Variants in ENTPD5 observed in about 807,000 individuals in gnomAD.
ENTPD5 encodes nucleoside diphosphate phosphatase ENTPD5.
Under a neutral mutation model 60.2 loss-of-function variants are expected in ENTPD5, and 49 were observed. That is an observed-to-expected ratio of 0.81 (90% CI 0.65 to 1.03). The LOEUF (loss-of-function observed/expected upper bound fraction) is 1.03. ENTPD5 is among the 50% of genes least tolerant of loss of function. ENTPD5 has a pLI of 0.00. For missense variants in ENTPD5, 480 were observed against 507.6 expected (o/e 0.95, Z 0.52); for synonymous variants, 187 against 185.4 (o/e 1.01, Z -0.07).
At position 73,973,073 on chromosome 14, in the gene ENTPD5, A is replaced by G. The variant is rs2057298030; in HGVS notation, c.887-49T>C. 1.9e-6 allele frequency: 3 copies of G among 1,605,146 alleles called. No homozygotes were observed. In the East Asian group the frequency reaches 6.7e-5, roughly 36 times the overall value. On this transcript the variant is annotated intron_variant, in intron 12 of 15. Transcript: ENST00000334696. ...GTAAGGTGAGAACGACGCTGGGGGA[A>G]GGGGACACTCTCTGAGGCAGGCTGC...
At chr14:73,958,693 T>G, downstream of ENTPD5, 1 of 1,353,286 alleles carries the variant, frequency 7.4e-7, no homozygotes, top group Non-Finnish European at 9.5e-7. Context: ...ATACTGAAAC[T>G]TTCCTTATTG....
chr14:73,980,143 C>T (rs1238371819), intron 6 of ENTPD5, among the ~76,000 whole-genome samples: 4 of 151,706 alleles, frequency 2.6e-5, no homozygotes, highest in Non-Finnish European at 5.9e-5. Flanking sequence ...GACAGGGTTT[C>T]ACCATGTTGG....
chr14:73,975,901 C>G, intron 10 of ENTPD5, 35 bp downstream of exon 10: 6 of 1,483,964 alleles, frequency 4.0e-6, no homozygotes, highest in Non-Finnish European at 5.6e-6. Flanking sequence ...AATCATACAA[C>G]ATGAAATATT....
downstream of ENTPD5, chr14:73,959,611 A>G (rs57268226): frequency 3.3e-3 from 5,350 of 1,599,012 alleles, 130 homozygotes; most frequent in African/African-American, 0.054. Context: ...GATCCTTGCC[A>G]GGCTGGAGCG....
At chr14:73,959,916 C>T, downstream of ENTPD5, 1 of 1,175,406 alleles carries the variant, frequency 8.5e-7, no homozygotes, top group South Asian at 1.9e-5. Flanking sequence ...AGTCAGCTGT[C>T]CCTTTCTACT....
At chr14:74,015,250 G>A (rs61522544) in intron 2 of ENTPD5, among the ~76,000 whole-genome samples, 13,932 of 151,920 alleles carry the variant, frequency 0.092, 797 homozygotes, top group South Asian at 0.26. Context: ...ATTTATGAAG[G>A]GAAACATGGC....
chr14:73,964,055 G>T lies in ENTPD5; in HGVS notation c.*2873C>A. On this transcript the variant is annotated 3_prime_UTR_variant, in exon 16 of 16. Transcript: ENST00000334696. ...GCTGTGAAAAGCTGTGTGACTCCTG[G>T]CGGAGACTGCAGGGACAAGGTCATC... 6.6e-6 allele frequency: 1 copy of T among 152,306 alleles called. No individual in the cohort carries two copies. Among genetic ancestry groups the T allele is most frequent in the Non-Finnish European group, 1.5e-5 (1 of 68,042 alleles). The allele number at this position is 152,306 out of a possible 1,614,324, so 9.4% of individuals were successfully genotyped here. A position where few individuals can be genotyped will look rare whatever the true frequency, so the allele number is the denominator to read the frequency against.
chr14:74,002,680 A>G (rs1340526139), intron 3 of ENTPD5, among the ~76,000 whole-genome samples: 1 of 152,184 alleles, frequency 6.6e-6, no homozygotes, highest in East Asian at 1.9e-4. Context: ...ATCATCTTTC[A>G]TGTGATTTGC....
chr14:73,986,872 C>G lies in ENTPD5; in HGVS notation c.239G>C (p.Gly80Ala). ...TGGCTTCACAGAATCAAAAACTTCC[C>G]CTTCTAGAATTGGAAGCTGTCCTAT... is the stretch of plus-strand genomic sequence containing the variant. Reference protein sequence around the residue: ...KMPGQLPILEGEVFDSVKPGL... With the variant: ...KMPGQLPILEAEVFDSVKPGL... The change falls in exon 5 of 16, where the codon GGG becomes GCG. Residue 80 changes from glycine (G) to alanine (A), a missense_variant. Physicochemically the swap from Gly to Ala is moderately conservative, Grantham distance 60 (BLOSUM62 0). Coordinates refer to ENST00000334696, the MANE Select transcript of ENTPD5 (RefSeq NM_001249.5). 4 of 1,614,024 alleles carry G rather than the reference C, an allele frequency of 2.5e-6. No homozygotes were observed. The highest frequency in any genetic ancestry group is 2.5e-6 in the Non-Finnish European group (3 of 1,179,934).
chr14:73,990,312 C>T (rs956846695), intron 3 of ENTPD5, among the ~76,000 whole-genome samples: 6 of 152,042 alleles, frequency 3.9e-5, no homozygotes, highest in African/African-American at 1.4e-4. Context: ...ACATAAATAT[C>T]CGTTTCTCCC....
rs1286017567 is a variant in ENTPD5, at chr14:73,977,385, A to AG, written c.442-12dup. ...GAAGATCTCCTTTACCTAGAGAAAA[A>AG]GGAAAAAAAAAAAAAAAGAATTCCC... On this transcript the variant is annotated splice_polypyrimidine_tract_variant and intron_variant, in intron 6 of 15. Coordinates refer to ENST00000334696, the MANE Select transcript of ENTPD5 (RefSeq NM_001249.5). 5 of 1,430,688 alleles carry AG rather than the reference A, an allele frequency of 3.5e-6. No individual in the cohort carries two copies. The highest frequency in any genetic ancestry group is 2.9e-5 in the African/African-American group (2 of 69,274). 88.6% of individuals were successfully genotyped at this position (1,430,688 alleles called of 1,614,324 possible). A position where few individuals can be genotyped will look rare whatever the true frequency, so the allele number is the denominator to read the frequency against.
chr14:74,013,592 A>G (rs193177419), intron 2 of ENTPD5, among the ~76,000 whole-genome samples: 105 of 152,114 alleles, frequency 6.9e-4, no homozygotes, highest in African/African-American at 2.5e-3. Context: ...CAAGGAAGCC[A>G]AAAGATTGAA....
downstream of ENTPD5, chr14:73,959,131 C>G: frequency 6.8e-6 from 11 of 1,614,178 alleles, no homozygotes; most frequent in Non-Finnish European, 9.3e-6. Context: ...CTAGGTACTT[C>G]ACAGAGAAAC....
intron 4 of ENTPD5, 82 bp downstream of exon 4, chr14:73,987,803 TA>T: frequency 7.6e-7 from 1 of 1,307,430 alleles, no homozygotes; most frequent in Non-Finnish European, 1.1e-6. Flanking sequence ...ATTCACATAA[TA>T]AACTCTCAGC....
chr14:73,977,170 C>A, intron 7 of ENTPD5, 111 bp from the exon 8 acceptor site: 2 of 1,248,240 alleles, frequency 1.6e-6, no homozygotes, highest in Non-Finnish European at 2.3e-6. Flanking sequence ...AGCACATGTT[C>A]CCTTCTCCCT....
Position 73,987,974 on chromosome 14 carries a change from G to T in ENTPD5, c.129C>A (p.Val43=). The part of the protein sequence containing the change: ...IFLSSMCPIN[V]SASTLYGIMF... ...TAATTCCATACAAGGTGCTGGCGCT[G>T]ACATTGATGGGGCACATGGAAGACA... The change falls in exon 4 of 16, where the codon GTC becomes GTA. Residue 43 remains valine, a synonymous_variant. Transcript: ENST00000334696. 30 of 1,614,116 alleles carry T rather than the reference G, an allele frequency of 1.9e-5. No homozygotes were observed. Among genetic ancestry groups the T allele is most frequent in the Non-Finnish European group, 2.5e-5 (29 of 1,180,034 alleles).
intron 9 of ENTPD5, 113 bp from the exon 10 acceptor site, chr14:73,976,128 G>T: frequency 1.1e-6 from 1 of 943,238 alleles, no homozygotes; most frequent in Non-Finnish European, 1.7e-6. Context: ...AGATTAAGGG[G>T]CTAATCTCAC....
chr14:74,012,288 GA>G (rs1282174282), intron 2 of ENTPD5, among the ~76,000 whole-genome samples: 8 of 135,866 alleles, frequency 5.9e-5, no homozygotes, highest in African/African-American at 2.2e-4. Context: ...ATTTTTAGTA[GA>G]GAGGGGGGGG....
At chr14:73,988,842 G>C (rs2058015110) in intron 3 of ENTPD5, among the ~76,000 whole-genome samples, 1 of 150,878 alleles carries the variant, frequency 6.6e-6, no homozygotes. Flanking sequence ...TATTTTTTTT[G>C]AGACGGACTC....
Sources: gnomAD v4.1 joint callset for allele counts (sites outside exome capture counted in the v4.1 genomes callset) on GRCh38, gnomAD v4.1.1 for gene constraint, MANE v1.5 for transcripts, NCBI Gene and HGNC (gene_info 2026-07-23, HGNC 2026-07-21) for gene names.